The following TNFSF12 variants were observed in gnomAD, a reference collection of about 807,000 sequenced individuals.
The protein encoded by TNFSF12 is tumor necrosis factor ligand superfamily member 12.
TNFSF12 carries 16 observed loss-of-function variants against 31.2 expected under a neutral mutation model. The observed-to-expected ratio is 0.51, with a 90% confidence interval of 0.35 to 0.78. TNFSF12 has a LOEUF of 0.78. Among genes scored for constraint, TNFSF12 ranks in the 30% least tolerant of loss-of-function variants. The pLI is 0.01. For synonymous variants in TNFSF12, 150 were observed against 151.4 expected (o/e 0.99, Z 0.07); for missense variants, 324 against 338.8 (o/e 0.96, Z 0.34).
intron 5 of TNFSF12, chr17:7,553,550 C>G (rs1305105836): frequency 2.9e-6 from 3 of 1,049,174 alleles, no homozygotes; most frequent in African/African-American, 3.3e-5. Flanking sequence ...CACAACAGCC[C>G]TAAAAGGAAG....
At chr17:7,553,310 A>G (rs964403931) in intron 5 of TNFSF12, among the ~76,000 whole-genome samples, 5 of 151,970 alleles carry the variant, frequency 3.3e-5, no homozygotes. Flanking sequence ...CGGCCTCCCA[A>G]AGTGCTGGGA....
At chr17:7,551,003 C>A in intron 5 of TNFSF12, 25 bp downstream of exon 5, 1 of 1,613,176 alleles carries the variant, frequency 6.2e-7, no homozygotes, top group Non-Finnish European at 8.5e-7. Context: ...CCCGACACAG[C>A]ACTGGCCTCC....
rs2070976866 is a variant in TNFSF12 at position 7,549,605 on chromosome 17, C to T, written c.207+84C>T. 6.9e-7 allele frequency: 1 copy of T among 1,444,390 alleles called. No individual in the cohort carries two copies. The highest frequency in any genetic ancestry group is 1.4e-5 in the African/African-American group (1 of 70,836). The allele number at this position is 1,444,390 out of a possible 1,614,324, so 89.5% of individuals were successfully genotyped here. A position where few individuals can be genotyped will look rare whatever the true frequency, so the allele number is the denominator to read the frequency against. ...AGGCTGCAGGTGTGTGCAGCTGTGC[C>T]AGCCGTACTCGAGGTGTGTGCAGGG... On this transcript the variant is annotated intron_variant, in intron 2 of 6. Transcript: ENST00000293825. The surrounding 1 kb of genome is among the most constrained non-coding windows in gnomAD (Gnocchi z 4.1).
At position 7,549,340 on chromosome 17, in the gene TNFSF12, G is replaced by C. The variant is rs1567719697; in HGVS notation, c.159+28G>C. The C allele has an allele frequency of 2.1e-6, 3 of 1,409,916 alleles. No homozygotes were observed. The highest frequency in any genetic ancestry group is 3.0e-5 in the Admixed American group (1 of 33,718). The allele number at this position is 1,409,916 out of a possible 1,614,324, so 87.3% of individuals were successfully genotyped here. On this transcript the variant is annotated intron_variant, in intron 1 of 6. Coordinates refer to ENST00000293825, the MANE Select transcript of TNFSF12 (RefSeq NM_003809.3). The surrounding 1 kb of genome is among the most constrained non-coding windows in gnomAD (Gnocchi z 4.1). ...GAGGCCCCGCTGCGCACCCCTTCTT[G>C]GGCACATCAGGAGCTGAGACTGCAG...
chr17:7,550,193 G>T lies in TNFSF12; in HGVS notation c.281G>T (p.Ser94Ile). The part of the protein sequence containing the change: ...FLNRLVRPRR[S>I]APKGRKTRAR... ...AACCGACTAGTTCGGCCTCGCAGAA[G>T]TGGTGAGCATCCCTCTATCCCAACC... The change falls in exon 3 of 7, where the codon AGT (serine) becomes ATT (isoleucine). Residue 94 changes from serine (S) to isoleucine (I), a missense_variant and splice_region_variant. Transcript: ENST00000293825. This position sits in a 1 kb window ranked among gnomAD's most constrained non-coding sequence, Gnocchi z 4.4. 6.2e-7 allele frequency: 1 copy of T among 1,614,154 alleles called. No individual in the cohort carries two copies. Among genetic ancestry groups the T allele is most frequent in the Non-Finnish European group, 8.5e-7 (1 of 1,180,034 alleles).
chr17:7,552,473 G>A (rs901449095), intron 5 of TNFSF12, among the ~76,000 whole-genome samples: 4 of 151,838 alleles, frequency 2.6e-5, no homozygotes, highest in South Asian at 4.2e-4. Flanking sequence ...GATTATAGGC[G>A]GGTGCCACCA....
At chr17:7,551,361 A>G (rs1178172574) in intron 5 of TNFSF12, among the ~76,000 whole-genome samples, 1 of 151,700 alleles carries the variant, frequency 6.6e-6, no homozygotes, top group Non-Finnish European at 1.5e-5. Context: ...GTGACCTCAG[A>G]ACCTCAAATC....
intron 6 of TNFSF12, 73 bp downstream of exon 6, chr17:7,556,975 A>G (rs2071078222): frequency 6.6e-7 from 1 of 1,520,708 alleles, no homozygotes; most frequent in Admixed American, 2.0e-5. Flanking sequence ...GTGGGGGACA[A>G]GCTACAGGGC....
chr17:7,557,068 G>T lies in TNFSF12; in HGVS notation c.499-31G>T. 1 of 1,593,048 alleles carries T rather than the reference G, an allele frequency of 6.3e-7. No homozygotes were observed. Among genetic ancestry groups the T allele is most frequent in the South Asian group, 1.1e-5 (1 of 89,020 alleles). On this transcript the variant is annotated intron_variant, in intron 6 of 6. Coordinates refer to ENST00000293825, the MANE Select transcript of TNFSF12 (RefSeq NM_003809.3). This position sits in a 1 kb window ranked among gnomAD's most constrained non-coding sequence, Gnocchi z 5.2. ...GAAATTGAGGCGAGGGCAGGCAGAGGCCTGGACTCGGCCTGTTGTCCCCAC... is the reference window on the plus strand; with the variant it reads ...GAAATTGAGGCGAGGGCAGGCAGAGTCCTGGACTCGGCCTGTTGTCCCCAC...
At chr17:7,552,124 T>A (rs2071007125) in intron 5 of TNFSF12, among the ~76,000 whole-genome samples, 1 of 152,160 alleles carries the variant, frequency 6.6e-6, no homozygotes, top group African/African-American at 2.4e-5. Context: ...CTGGGAAGAA[T>A]GATGCCATTT....
At chr17:7,555,685 G>A (rs561162137) in intron 5 of TNFSF12, among the ~76,000 whole-genome samples, 1 of 152,266 alleles carries the variant, frequency 6.6e-6, no homozygotes, top group Non-Finnish European at 1.5e-5. Flanking sequence ...TATTTAGGAG[G>A]CAGGATAGAT....
At position 7,550,888 on chromosome 17, in the gene TNFSF12, G is replaced by A. The variant is rs375950337; in HGVS notation, c.337+36G>A. On this transcript the variant is annotated intron_variant, in intron 4 of 6. Transcript: ENST00000293825. The surrounding 1 kb of genome is among the most constrained non-coding windows in gnomAD (Gnocchi z 4.4). The stretch of plus-strand genomic sequence containing the variant: ...GGTGAGCCATACCCAGGAGGAGAGG[G>A]GCAGGTGGCAGAGGGTCAGGGCAGG... The A allele has an allele frequency of 6.8e-6, 11 of 1,613,778 alleles. No individual in the cohort carries two copies. In the African/African-American group the frequency reaches 1.5e-4, roughly 22 times the overall value.
chr17:7,556,992 G>T (rs1242574270), intron 6 of TNFSF12, 90 bp downstream of exon 6: 29 of 1,535,368 alleles, frequency 1.9e-5, no homozygotes, highest in Non-Finnish European at 2.5e-5. Context: ...GGGCTGGGAG[G>T]GTGAGTTGGG....
rs1489325777 is a variant in TNFSF12 at position 7,549,071 on chromosome 17, G to C, written c.-83G>C. The C allele has an allele frequency of 4.5e-6, 4 of 884,696 alleles. No homozygotes were observed. The highest frequency in any genetic ancestry group is 5.5e-6 in the Non-Finnish European group (4 of 725,746). 54.8% of individuals were successfully genotyped at this position (884,696 alleles called of 1,614,324 possible). A position where few individuals can be genotyped will look rare whatever the true frequency, so the allele number is the denominator to read the frequency against. ...CCTTGCCCCTCCCTCTCCCCGGCCC[G>C]ATCCGCCCGCCGGCTCCCCCTCCCC... is the stretch of plus-strand genomic sequence containing the variant. On this transcript the variant is annotated 5_prime_UTR_variant, in exon 1 of 7. Transcript: ENST00000293825. This position sits in a 1 kb window ranked among gnomAD's most constrained non-coding sequence, Gnocchi z 4.1.
intron 5 of TNFSF12, among the ~76,000 whole-genome samples, chr17:7,556,192 G>C (rs886870501): frequency 2.0e-5 from 3 of 151,962 alleles, no homozygotes; most frequent in African/African-American, 4.8e-5. Flanking sequence ...TGTTGGCCAG[G>C]CTGGTCTCGA....
At chr17:7,551,024 G>A (rs1597823960) in intron 5 of TNFSF12, 46 bp downstream of exon 5, 2 of 1,611,878 alleles carry the variant, frequency 1.2e-6, no homozygotes, top group East Asian at 2.2e-5. Context: ...TGGGAAAAGG[G>A]CCCTTGAAAA....
rs1312241160 is a variant in TNFSF12, at chr17:7,550,626, A to T, written c.284-173A>T. On this transcript the variant is annotated intron_variant, in intron 3 of 6. Transcript: ENST00000293825. The surrounding 1 kb of genome is among the most constrained non-coding windows in gnomAD (Gnocchi z 4.4). ...TCTCAGCAGTATCCCAGTGTGGATG[A>T]CAAATTATAGTCACTCTACTTACTG... 6.6e-6 allele frequency among the ~76,000 whole-genome samples: 1 copy of T among 152,180 alleles called. No homozygotes were observed. The highest frequency in any genetic ancestry group is 1.9e-4 in the East Asian group (1 of 5,184).
intron 5 of TNFSF12, among the ~76,000 whole-genome samples, chr17:7,552,680 G>A (rs888883364): frequency 1.3e-5 from 2 of 152,096 alleles, no homozygotes; most frequent in Admixed American, 6.6e-5. Flanking sequence ...GGAGAAAGAA[G>A]GGCCCCACGA....
chr17:7,554,158 A>G (rs1372647692), intron 5 of TNFSF12, among the ~76,000 whole-genome samples: 5 of 152,014 alleles, frequency 3.3e-5, no homozygotes, highest in Non-Finnish European at 2.9e-5. Context: ...CCTACTCTTC[A>G]TGCCCAGATC....
Sources: allele counts gnomAD v4.1 joint callset (sites outside exome capture counted in the v4.1 genomes callset), GRCh38; gene constraint gnomAD v4.1.1; non-coding constraint Gnocchi (gnomAD v3.1); transcripts MANE v1.5; gene names NCBI Gene and HGNC (gene_info 2026-07-23, HGNC 2026-07-21).